Variants in ARK2C observed in about 807,000 individuals in gnomAD.
ARK2C encodes E3 ubiquitin-protein ligase ARK2C.
chr18:46,362,912 C>T, the ARK2C span, among the ~76,000 whole-genome samples: 9 of 152,158 alleles, frequency 5.9e-5, no homozygotes, highest in Non-Finnish European at 1.3e-4. Context: ...GAAAAATCAC[C>T]GGGAGGGATA....
chr18:46,453,639 C>T, the ARK2C span, among the ~76,000 whole-genome samples: 3 of 150,972 alleles, frequency 2.0e-5, no homozygotes, highest in Admixed American at 1.3e-4. Context: ...GTGAAAAAGA[C>T]AATAAAGAAG....
At chr18:46,449,104 C>T in the ARK2C span, among the ~76,000 whole-genome samples, 1 of 152,112 alleles carries the variant, frequency 6.6e-6, no homozygotes, top group Non-Finnish European at 1.5e-5. Flanking sequence ...TCCCATTAAT[C>T]CTCTCAAAAA....
At chr18:46,444,655 T>G in the ARK2C span, among the ~76,000 whole-genome samples, 1 of 150,614 alleles carries the variant, frequency 6.6e-6, no homozygotes, top group Non-Finnish European at 1.5e-5. Flanking sequence ...TTTTTTTTTG[T>G]AGACGTGATA....
the ARK2C span, chr18:46,447,671 A>G: frequency 6.2e-7 from 1 of 1,614,100 alleles, no homozygotes; most frequent in Non-Finnish European, 8.5e-7. Context: ...ACTTTCCCAG[A>G]AACTCCTCCT....
At chr18:46,402,187 A>G in the ARK2C span, among the ~76,000 whole-genome samples, 1 of 152,376 alleles carries the variant, frequency 6.6e-6, no homozygotes, top group South Asian at 2.1e-4. Flanking sequence ...CTATGAAAGC[A>G]TCTATACCCT....
the ARK2C span, among the ~76,000 whole-genome samples, chr18:46,425,085 G>A: frequency 2.6e-5 from 4 of 152,212 alleles, no homozygotes; most frequent in African/African-American, 9.6e-5. Flanking sequence ...TGACCATCAG[G>A]GCCCTGCCTC....
the ARK2C span, among the ~76,000 whole-genome samples, chr18:46,381,692 G>T: frequency 3.7e-4 from 56 of 152,218 alleles, no homozygotes; most frequent in Middle Eastern, 3.4e-3. Context: ...TTAGCTAGGC[G>T]TAATAGCAAG....
chr18:46,348,898 TTCTGTGTGTGTG>T, the ARK2C span, among the ~76,000 whole-genome samples: 273 of 123,244 alleles, frequency 2.2e-3, 1 homozygote, highest in South Asian at 0.019. Flanking sequence ...CTCTCTCTCT[TTCTGTGTGTGTG>T]TGTGTGTGTG....
the ARK2C span, among the ~76,000 whole-genome samples, chr18:46,359,982 T>A: frequency 6.6e-6 from 1 of 152,204 alleles, no homozygotes; most frequent in South Asian, 2.1e-4. Flanking sequence ...CAGATATCCA[T>A]GTGTCAGCTA....
At chr18:46,385,048 G>C in the ARK2C span, among the ~76,000 whole-genome samples, 1 of 152,084 alleles carries the variant, frequency 6.6e-6, no homozygotes, top group Admixed American at 6.6e-5. Context: ...GGTGTGCAGG[G>C]CTCCCTTTCA....
At chr18:46,379,607 T>C in the ARK2C span, among the ~76,000 whole-genome samples, 1 of 152,232 alleles carries the variant, frequency 6.6e-6, no homozygotes, top group African/African-American at 2.4e-5. Flanking sequence ...AAAGTCGCTC[T>C]TTGAAGCCAC....
At chr18:46,380,759 T>C in the ARK2C span, among the ~76,000 whole-genome samples, 1 of 152,132 alleles carries the variant, frequency 6.6e-6, no homozygotes, top group Admixed American at 6.5e-5. Context: ...AGTGGCCTGC[T>C]AGCTAAGGAC....
At chr18:46,349,368 T>G in the ARK2C span, among the ~76,000 whole-genome samples, 1 of 152,204 alleles carries the variant, frequency 6.6e-6, no homozygotes, top group East Asian at 1.9e-4. Context: ...GAGGGACTCC[T>G]CTGGGGCCTC....
At chr18:46,455,953 T>C in the ARK2C span, 2 of 1,520,446 alleles carry the variant, frequency 1.3e-6, no homozygotes, top group Admixed American at 3.4e-5. Flanking sequence ...TAATGAATAC[T>C]ACTCTCTCTG....
At chr18:46,447,796 T>C in the ARK2C span, 5 of 1,354,270 alleles carry the variant, frequency 3.7e-6, no homozygotes, top group African/African-American at 4.3e-5. Context: ...GGCTCCCCTG[T>C]ATCCTTGGCT....
chr18:46,433,083 A>T, the ARK2C span: 1 of 738,114 alleles, frequency 1.4e-6, no homozygotes, highest in Non-Finnish European at 2.2e-6. Flanking sequence ...GTCCTAATGT[A>T]GGTCTTGAGC....
At chr18:46,351,028 G>A in the ARK2C span, among the ~76,000 whole-genome samples, 5 of 152,196 alleles carry the variant, frequency 3.3e-5, no homozygotes, top group Non-Finnish European at 5.9e-5. Context: ...CAGAGGGCTG[G>A]GAGCTGCCCT....
the ARK2C span, among the ~76,000 whole-genome samples, chr18:46,446,255 T>C: frequency 5.3e-5 from 8 of 152,186 alleles, no homozygotes; most frequent in Admixed American, 6.5e-5. Flanking sequence ...AATTCAATCA[T>C]CCCTTATTCA....
At chr18:46,341,397 A>C in the ARK2C span, among the ~76,000 whole-genome samples, 7 of 151,928 alleles carry the variant, frequency 4.6e-5, no homozygotes, top group African/African-American at 1.7e-4. Flanking sequence ...TGGAGTAAGC[A>C]GGATTGAGTC....
Sources: allele counts gnomAD v4.1 joint callset (sites outside exome capture counted in the v4.1 genomes callset), GRCh38; gene constraint gnomAD v4.1.1; transcripts MANE v1.5; gene names NCBI Gene and HGNC (gene_info 2026-07-23, HGNC 2026-07-21).